The following PIP5K1B variants were observed in gnomAD, a reference collection of about 807,000 sequenced individuals.
The protein encoded by PIP5K1B is phosphatidylinositol 4-phosphate 5-kinase type-1 beta.
A neutral mutation model predicts 67.0 loss-of-function variants in PIP5K1B; 42 were observed. The observed-to-expected ratio is 0.63, with a 90% CI of 0.49 to 0.81. PIP5K1B has a LOEUF of 0.81. PIP5K1B is among the 30% of genes least tolerant of loss of function. The probability of loss-of-function intolerance (pLI) is 0.00; values close to 1 mark genes in which losing one functional copy is unlikely to be tolerated. For missense variants in PIP5K1B, 459 were observed against 646.3 expected, an observed-to-expected ratio of 0.71 and a Z score of 3.14; for synonymous variants, 214 against 231.4, an observed-to-expected ratio of 0.92 and a Z score of 0.68.
intron 2 of PIP5K1B, chr9:68,780,590 G>A: frequency 6.2e-7 from 1 of 1,614,214 alleles, no homozygotes; most frequent in Non-Finnish European, 8.5e-7. Flanking sequence ...TCATTCCTGT[G>A]TCACCAGCAC....
chr9:68,986,067 T>C (rs1830083225), intron 14 of PIP5K1B, among the ~76,000 whole-genome samples: 2 of 152,376 alleles, frequency 1.3e-5, no homozygotes, highest in Middle Eastern at 3.4e-3. Flanking sequence ...CAAACATTCA[T>C]ATACAAGTTT....
intron 5 of PIP5K1B, among the ~76,000 whole-genome samples, chr9:68,869,599 A>G (rs1198925357): frequency 6.6e-6 from 1 of 152,228 alleles, no homozygotes; most frequent in Non-Finnish European, 1.5e-5. Context: ...TGCGGCTGCT[A>G]TCTACAATGG....
chr9:68,872,886 A>C lies in PIP5K1B; in HGVS notation c.201-3791A>C, dbSNP rs561557360. On this transcript the variant is annotated intron_variant, in intron 5 of 15. Coordinates refer to ENST00000265382, the MANE Select transcript of PIP5K1B (RefSeq NM_003558.4). ...TAGCTGAATCATAATTAATTAGACA[A>C]GTTCTCTCCTGAAGGCCATCCAGGT... is the stretch of plus-strand genomic sequence containing the variant. 1.5e-4 allele frequency among the ~76,000 whole-genome samples: 23 copies of C among 152,246 alleles called. No individual in the cohort carries two copies. The East Asian group carries it at 3.3e-3, about 22-fold the overall frequency.
At position 69,000,051 on chromosome 9, in the gene PIP5K1B, A is replaced by G. The variant is rs966118760; in HGVS notation, c.1621-8396A>G. ...AAGTTGGACTGGAGGCTACAATTACAATGTGGCGCAAAAATGAAGGTGTTA... is the reference window on the plus strand; with the variant it reads ...AAGTTGGACTGGAGGCTACAATTACGATGTGGCGCAAAAATGAAGGTGTTA... On this transcript the variant is annotated intron_variant, in intron 15 of 15. Transcript: ENST00000265382. Among the ~76,000 whole-genome samples, 12 of 152,146 alleles carry G rather than the reference A, an allele frequency of 7.9e-5. 1 individual carries two copies. The highest frequency in any genetic ancestry group is 2.9e-4 in the African/African-American group (12 of 41,426).
intron 8 of PIP5K1B, among the ~76,000 whole-genome samples, chr9:68,898,960 C>T (rs1045461795): frequency 1.3e-5 from 2 of 152,192 alleles, no homozygotes; most frequent in African/African-American, 2.4e-5. Flanking sequence ...GGCCAAGGTT[C>T]CCCACTGCTT....
intron 1 of PIP5K1B, among the ~76,000 whole-genome samples, chr9:68,711,198 A>G (rs1827375094): frequency 6.6e-6 from 1 of 152,242 alleles, no homozygotes; most frequent in African/African-American, 2.4e-5. Flanking sequence ...TGCTTCGTAG[A>G]CAGACTTAAG....
intron 2 of PIP5K1B, among the ~76,000 whole-genome samples, chr9:68,787,042 G>A (rs1831665157): frequency 1.3e-5 from 2 of 152,176 alleles, no homozygotes; most frequent in Non-Finnish European, 2.9e-5. Context: ...ACCTCTGGCT[G>A]CACTGCGGTT....
chr9:68,858,445 A>C (rs13284709), intron 4 of PIP5K1B, among the ~76,000 whole-genome samples: 63,729 of 152,098 alleles, frequency 0.42, 13,417 homozygotes, highest in South Asian at 0.45. Flanking sequence ...GTAAAAATGC[A>C]CACAAGCAAA....
intron 6 of PIP5K1B, among the ~76,000 whole-genome samples, chr9:68,883,052 T>A (rs1824278961): frequency 1.3e-5 from 2 of 152,186 alleles, no homozygotes; most frequent in Admixed American, 1.3e-4. Context: ...CAATACATGG[T>A]CACTCTTTGC....
At chr9:68,930,151 C>A (rs1274572091) in intron 12 of PIP5K1B, among the ~76,000 whole-genome samples, 1 of 152,164 alleles carries the variant, frequency 6.6e-6, no homozygotes, top group East Asian at 1.9e-4. Context: ...GTGGTTGCTC[C>A]TCAGGGTCCA....
At chr9:68,995,573 A>T (rs946445434) in intron 15 of PIP5K1B, among the ~76,000 whole-genome samples, 3 of 152,194 alleles carry the variant, frequency 2.0e-5, no homozygotes, top group African/African-American at 7.2e-5. Flanking sequence ...TGGGAGGCCG[A>T]GGCGGGCAGA....
At chr9:68,864,971 ATC>A (rs1823285374) in intron 5 of PIP5K1B, among the ~76,000 whole-genome samples, 1 of 152,222 alleles carries the variant, frequency 6.6e-6, no homozygotes, top group African/African-American at 2.4e-5. Context: ...TTACACATTT[ATC>A]TCTGTGTCTA....
chr9:68,920,789 CACA>C (rs1826346386), intron 11 of PIP5K1B, among the ~76,000 whole-genome samples: 2 of 136,340 alleles, frequency 1.5e-5, no homozygotes, highest in Admixed American at 7.0e-5. Context: ...CTCTCTCACA[CACA>C]TACACACACA....
At chr9:68,948,286 AC>A (rs1827896725) in intron 14 of PIP5K1B, among the ~76,000 whole-genome samples, 1 of 152,158 alleles carries the variant, frequency 6.6e-6, no homozygotes. Context: ...TTACCAGTGA[AC>A]CTGAGTGGTG....
At chr9:68,781,119 A>G (rs535469937) in intron 2 of PIP5K1B, 58 of 1,476,620 alleles carry the variant, frequency 3.9e-5, no homozygotes, top group Non-Finnish European at 5.0e-5. Flanking sequence ...ATTTGAGGCT[A>G]TTTCCTATTT....
intron 14 of PIP5K1B, chr9:68,941,199 C>T: frequency 1.4e-5 from 6 of 438,748 alleles, no homozygotes; most frequent in Non-Finnish European, 2.3e-5. Context: ...AGAATAATTG[C>T]TCCCCCAAAG....
intron 6 of PIP5K1B, among the ~76,000 whole-genome samples, chr9:68,878,177 C>A (rs978804646): frequency 6.6e-6 from 1 of 152,126 alleles, no homozygotes; most frequent in Non-Finnish European, 1.5e-5. Context: ...GATCTCTTAT[C>A]TTCTGCCACA....
At chr9:68,781,097 C>T (rs970111088) in intron 2 of PIP5K1B, 2 of 1,514,638 alleles carry the variant, frequency 1.3e-6, no homozygotes, top group Admixed American at 2.2e-5. Context: ...AAACACTGAA[C>T]TTTGTCAATT....
At chr9:68,958,676 A>G (rs1037321512) in intron 14 of PIP5K1B, among the ~76,000 whole-genome samples, 4 of 152,212 alleles carry the variant, frequency 2.6e-5, no homozygotes, top group African/African-American at 9.6e-5. Flanking sequence ...TATTTTTTAA[A>G]TTAGATGGGC....
Sources: gnomAD v4.1 joint callset for allele counts (sites outside exome capture counted in the v4.1 genomes callset) on GRCh38, gnomAD v4.1.1 for gene constraint, MANE v1.5 for transcripts, NCBI Gene and HGNC (gene_info 2026-07-23, HGNC 2026-07-21) for gene names.